The following SPON1 variants were observed in gnomAD, a reference collection of about 807,000 sequenced individuals.
The protein encoded by SPON1 is spondin 1, also known as spondin-1.
Under a neutral mutation model 111.7 loss-of-function variants are expected in SPON1, and 52 were observed. The observed-to-expected ratio is 0.47, with a 90% CI of 0.37 to 0.59. The LOEUF is 0.59. Ranked by LOEUF, SPON1 falls within the 20% of genes least tolerant of loss-of-function variation. The pLI, the probability that SPON1 is intolerant of heterozygous loss-of-function variation, is 0.00. For synonymous variants in SPON1, 410 were observed against 395.8 expected, an observed-to-expected ratio of 1.04 and a Z score of -0.43; for missense variants, 957 against 1,068.5, an observed-to-expected ratio of 0.90 and a Z score of 1.46.
chr11:14,247,895 A>T (rs1849009844), intron 7 of SPON1, among the ~76,000 whole-genome samples: 1 of 152,242 alleles, frequency 6.6e-6, no homozygotes, highest in African/African-American at 2.4e-5. Context: ...TTCTGCACTG[A>T]GATCTAAAAT....
At chr11:14,256,810 C>T (rs1849114083) in intron 10 of SPON1, 118 bp downstream of exon 10, 4 of 756,340 alleles carry the variant, frequency 5.3e-6, no homozygotes, top group Non-Finnish European at 8.8e-6. Context: ...GTAATCATAT[C>T]TCTGAGGATT....
At chr11:14,048,435 A>T (rs556174011) in intron 3 of SPON1, among the ~76,000 whole-genome samples, 84 of 152,298 alleles carry the variant, frequency 5.5e-4, no homozygotes, top group African/African-American at 1.9e-3. Context: ...TCTATAGATG[A>T]CAGCTCTGAA....
intron 2 of SPON1, 47 bp downstream of exon 2, chr11:13,983,000 G>A (rs1848156227): frequency 6.1e-6 from 8 of 1,321,350 alleles, no homozygotes; most frequent in Non-Finnish European, 8.5e-6. Flanking sequence ...TGCCCTAGGA[G>A]GTAGAGGCTG....
At chr11:14,042,912 G>A (rs1554917460) in intron 3 of SPON1, among the ~76,000 whole-genome samples, 1 of 152,188 alleles carries the variant, frequency 6.6e-6, no homozygotes, top group Non-Finnish European at 1.5e-5. Context: ...GCCGCCATCT[G>A]TCTGGACATT....
intron 6 of SPON1, among the ~76,000 whole-genome samples, chr11:14,175,111 A>C (rs1014707090): frequency 2.0e-5 from 3 of 152,230 alleles, no homozygotes; most frequent in Admixed American, 6.5e-5. Flanking sequence ...TCATTCCAGA[A>C]GCCAACAATT....
At position 14,135,699 on chromosome 11, in the gene SPON1, G is replaced by A. The variant is rs1337978937; in HGVS notation, c.825+131G>A. 2 of 920,176 alleles carry A rather than the reference G, an allele frequency of 2.2e-6. No individual in the cohort carries two copies. The highest frequency in any genetic ancestry group is 2.6e-5 in the Admixed American group (1 of 39,086). The allele number at this position is 920,176 out of a possible 1,614,324, so 57.0% of individuals were successfully genotyped here. On this transcript the variant is annotated intron_variant, in intron 6 of 15. Coordinates refer to ENST00000576479, the MANE Select transcript of SPON1 (RefSeq NM_006108.4). This position sits in a 1 kb window ranked among gnomAD's most constrained non-coding sequence, Gnocchi z 4.4. ...GAAAATCTATTTGCTGAGTTTGGGG[G>A]TTTTATGTTAAGTAGAGGACAGACA... is the stretch of plus-strand genomic sequence containing the variant.
intron 1 of SPON1, among the ~76,000 whole-genome samples, chr11:13,981,042 A>T (rs1848140042): frequency 6.6e-6 from 1 of 152,208 alleles, no homozygotes; most frequent in Non-Finnish European, 1.5e-5. Context: ...GCAGGCAGTA[A>T]AGTAATTTAA....
At chr11:14,204,994 C>T (rs1848502837) in intron 6 of SPON1, among the ~76,000 whole-genome samples, 1 of 152,112 alleles carries the variant, frequency 6.6e-6, no homozygotes, top group Non-Finnish European at 1.5e-5. Flanking sequence ...GCCGATCCTC[C>T]CTATTCTTTA....
chr11:14,094,259 C>T (rs1327873330), intron 5 of SPON1, among the ~76,000 whole-genome samples: 2 of 150,900 alleles, frequency 1.3e-5, no homozygotes, highest in African/African-American at 4.9e-5. Flanking sequence ...AAGTCTTCCT[C>T]AACCCGTCTC....
At chr11:13,974,901 CT>C (rs1848090474) in intron 1 of SPON1, among the ~76,000 whole-genome samples, 1 of 152,210 alleles carries the variant, frequency 6.6e-6, no homozygotes, top group East Asian at 1.9e-4. Flanking sequence ...CAGAATGCAA[CT>C]TATGAAATAC....
chr11:14,222,612 A>T (rs1451562694), intron 6 of SPON1, among the ~76,000 whole-genome samples: 1 of 152,144 alleles, frequency 6.6e-6, no homozygotes, highest in Non-Finnish European at 1.5e-5. Context: ...AAATCTTGAT[A>T]CCAATTGAGT....
At chr11:14,011,238 A>G (rs1169785438) in intron 2 of SPON1, among the ~76,000 whole-genome samples, 1 of 152,294 alleles carries the variant, frequency 6.6e-6, no homozygotes. Context: ...ATGTTTCTAC[A>G]TGAGTTTTCA....
intron 6 of SPON1, among the ~76,000 whole-genome samples, chr11:14,208,290 T>A (rs1459104655): frequency 2.6e-5 from 4 of 151,846 alleles, no homozygotes; most frequent in African/African-American, 9.7e-5. Flanking sequence ...ATAATCTGTA[T>A]AACAAACGCC....
intron 5 of SPON1, among the ~76,000 whole-genome samples, chr11:14,103,307 G>T (rs1232928363): frequency 6.6e-6 from 1 of 152,208 alleles, no homozygotes; most frequent in Non-Finnish European, 1.5e-5. Flanking sequence ...ATGAAGAAGT[G>T]TATACCCAGT....
intron 5 of SPON1, among the ~76,000 whole-genome samples, chr11:14,082,636 C>A (rs974986948): frequency 3.9e-5 from 6 of 152,122 alleles, no homozygotes; most frequent in African/African-American, 1.4e-4. Context: ...GTGAGTCAAA[C>A]CTTCCATGGA....
intron 6 of SPON1, among the ~76,000 whole-genome samples, chr11:14,152,673 A>T (rs1161610628): frequency 6.6e-6 from 1 of 152,254 alleles, no homozygotes. Context: ...TCATAAGTGC[A>T]TATATGTAAC....
intron 5 of SPON1, among the ~76,000 whole-genome samples, chr11:14,085,598 T>A (rs1217686189): frequency 5.3e-5 from 8 of 152,218 alleles, no homozygotes; most frequent in Non-Finnish European, 1.0e-4. Context: ...TCCAGCTTTG[T>A]TCTTTTTGCT....
chr11:13,969,124 A>G lies in SPON1; in HGVS notation c.238+5982A>G, dbSNP rs7112461. On this transcript the variant is annotated intron_variant, in intron 1 of 15. Coordinates refer to ENST00000576479, the MANE Select transcript of SPON1 (RefSeq NM_006108.4). ...GCCAGATGCAGTGGCTCACACCTGTAACCTCAACACTTTGGGAGGCTGAGA... is the reference window on the plus strand; with the variant it reads ...GCCAGATGCAGTGGCTCACACCTGTGACCTCAACACTTTGGGAGGCTGAGA... Among the ~76,000 whole-genome samples, 650 of 151,698 alleles carry G rather than the reference A, an allele frequency of 4.3e-3. 6 individuals are homozygous for G. The highest frequency in any genetic ancestry group is 0.014 in the African/African-American group (598 of 41,270).
At chr11:14,158,467 C>G (rs1314841722) in intron 6 of SPON1, among the ~76,000 whole-genome samples, 1 of 152,196 alleles carries the variant, frequency 6.6e-6, no homozygotes, top group Non-Finnish European at 1.5e-5. Context: ...AGGCTCACTT[C>G]TCTGTCCCTT....
Sources: gnomAD v4.1 joint callset for allele counts (sites outside exome capture counted in the v4.1 genomes callset) on GRCh38, gnomAD v4.1.1 for gene constraint, Gnocchi (gnomAD v3.1) non-coding constraint, MANE v1.5 for transcripts, NCBI Gene and HGNC (gene_info 2026-07-23, HGNC 2026-07-21) for gene names.